The following RCSD1 variants were observed in gnomAD, a reference collection of about 807,000 sequenced individuals.
RCSD1 encodes capZ-interacting protein.
In RCSD1, 26 loss-of-function variants were observed where a neutral mutation model predicts 42.5. That is an observed-to-expected ratio of 0.61 (90% CI 0.45 to 0.85). RCSD1 has a LOEUF of 0.85. RCSD1 is among the 40% of genes least tolerant of loss of function. RCSD1 has a pLI of 0.00. For synonymous variants in RCSD1, 220 were observed against 212.2 expected (o/e 1.04, Z -0.32); for missense variants, 571 against 528.3 (o/e 1.08, Z -0.79).
At chr1:167,688,410 T>C (rs984781288) in intron 3 of RCSD1, among the ~76,000 whole-genome samples, 27 of 152,080 alleles carry the variant, frequency 1.8e-4, no homozygotes, top group Non-Finnish European at 2.8e-4. Flanking sequence ...GGCACTTCCA[T>C]TGGGGCTGGA....
At chr1:167,655,446 T>C (rs2102210007) in intron 1 of RCSD1, among the ~76,000 whole-genome samples, 1 of 152,362 alleles carries the variant, frequency 6.6e-6, no homozygotes, top group East Asian at 1.9e-4. Context: ...AGGTGTTTCC[T>C]ATGGTGTTGC....
Position 167,694,308 on chromosome 1 carries a change from T to A in RCSD1, c.474+6T>A. ...ATCTGCCCTGTTACAACAAGGTAAATTCTAGCTCCAGATTATGGCGGTGTG... is the reference window on the plus strand; with the variant it reads ...ATCTGCCCTGTTACAACAAGGTAAAATCTAGCTCCAGATTATGGCGGTGTG... On this transcript the variant is annotated splice_donor_region_variant and intron_variant, in intron 5 of 6. Transcript: ENST00000367854. The A allele has an allele frequency of 6.2e-7, 1 of 1,613,096 alleles. No homozygotes were observed. Among genetic ancestry groups the A allele is most frequent in the Non-Finnish European group, 8.5e-7 (1 of 1,179,530 alleles).
chr1:167,642,031 C>T (rs1177964734), intron 1 of RCSD1: 2 of 152,226 alleles, frequency 1.3e-5, no homozygotes, highest in Admixed American at 1.3e-4. Context: ...GCAGCTACCC[C>T]TTTGCTTGTT....
Position 167,676,744 on chromosome 1 carries a change from C to T in RCSD1, c.7-7156C>T, listed in dbSNP as rs551079812. Among the ~76,000 whole-genome samples, 132 of 152,288 alleles carry T rather than the reference C, an allele frequency of 8.7e-4. No homozygotes were observed. In the South Asian group the frequency reaches 0.011, roughly 12 times the overall value. ...AGCCATCACTACTAAACCCACAGAC[C>T]CCCACCTGGAGGACCCTCCCAGGCA... is the stretch of plus-strand genomic sequence containing the variant. On this transcript the variant is annotated intron_variant, in intron 1 of 6. Transcript: ENST00000367854.
At chr1:167,654,202 C>G (rs897417205) in intron 1 of RCSD1, among the ~76,000 whole-genome samples, 1 of 152,150 alleles carries the variant, frequency 6.6e-6, no homozygotes, top group African/African-American at 2.4e-5. Flanking sequence ...GCCATGTACA[C>G]AAAGTGGCTC....
intron 1 of RCSD1, among the ~76,000 whole-genome samples, chr1:167,677,293 T>C (rs560075346): frequency 2.6e-5 from 4 of 152,304 alleles, no homozygotes; most frequent in South Asian, 2.1e-4. Context: ...GACCCGACAA[T>C]GTGGATGGGG....
At chr1:167,660,941 G>A (rs1035953602) in intron 1 of RCSD1, among the ~76,000 whole-genome samples, 2 of 152,122 alleles carry the variant, frequency 1.3e-5, no homozygotes, top group Non-Finnish European at 2.9e-5. Context: ...ACCAAAATGA[G>A]GTTTAGCTAA....
chr1:167,649,909 G>A (rs1359218520), intron 1 of RCSD1, among the ~76,000 whole-genome samples: 8 of 152,218 alleles, frequency 5.3e-5, no homozygotes, highest in Non-Finnish European at 2.9e-5. Context: ...CAGCTCACCT[G>A]TGCCTCTGGG....
chr1:167,652,837 T>A (rs1231017081), intron 1 of RCSD1, among the ~76,000 whole-genome samples: 1 of 152,222 alleles, frequency 6.6e-6, no homozygotes, highest in Non-Finnish European at 1.5e-5. Context: ...GATCCATAAT[T>A]TACTTCAACT....
At chr1:167,688,734 A>G (rs2101713171) in intron 3 of RCSD1, among the ~76,000 whole-genome samples, 1 of 152,338 alleles carries the variant, frequency 6.6e-6, no homozygotes, top group African/African-American at 2.4e-5. Flanking sequence ...ATCTCACATT[A>G]TAAATATCTC....
intron 1 of RCSD1, among the ~76,000 whole-genome samples, chr1:167,675,886 A>G (rs1658939504): frequency 6.6e-6 from 1 of 152,090 alleles, no homozygotes; most frequent in African/African-American, 2.4e-5. Flanking sequence ...CTGGGGCTCT[A>G]TCTGGGACTT....
chr1:167,661,016 C>T (rs1325824993), intron 1 of RCSD1, among the ~76,000 whole-genome samples: 2 of 152,206 alleles, frequency 1.3e-5, no homozygotes. Flanking sequence ...CTAAAGAAGT[C>T]CCTGCTTGAT....
At chr1:167,652,408 C>G (rs374014251) in intron 1 of RCSD1, among the ~76,000 whole-genome samples, 1 of 151,990 alleles carries the variant, frequency 6.6e-6, no homozygotes, top group Non-Finnish European at 1.5e-5. Flanking sequence ...GGAACTGGGC[C>G]CTTTAAAGAT....
intron 3 of RCSD1, among the ~76,000 whole-genome samples, chr1:167,689,226 G>T (rs144611893): frequency 1.3e-5 from 2 of 152,106 alleles, no homozygotes; most frequent in East Asian, 3.9e-4. Flanking sequence ...GGTGGCTCAC[G>T]CCTGTAATCC....
chr1:167,661,229 A>C (rs565723258), intron 1 of RCSD1, among the ~76,000 whole-genome samples: 3 of 152,270 alleles, frequency 2.0e-5, no homozygotes, highest in Admixed American at 2.0e-4. Flanking sequence ...TTACAGAGGA[A>C]GAAAATGAAG....
chr1:167,671,940 C>T (rs1441481507), intron 1 of RCSD1, among the ~76,000 whole-genome samples: 1 of 152,178 alleles, frequency 6.6e-6, no homozygotes, highest in East Asian at 1.9e-4. Context: ...GCTCTGCTTA[C>T]CCTTCAGGCT....
intron 1 of RCSD1, among the ~76,000 whole-genome samples, chr1:167,647,138 A>AAAAAAAAGAG (rs1173854956): frequency 2.0e-3 from 306 of 151,202 alleles, no homozygotes; most frequent in African/African-American, 7.1e-3. Context: ...CTCAAAAAAA[A>AAAAAAAAGAG]AGAGAGAGAG....
intron 1 of RCSD1, among the ~76,000 whole-genome samples, chr1:167,644,236 T>C (rs954183181): frequency 2.0e-5 from 3 of 152,118 alleles, no homozygotes; most frequent in African/African-American, 4.8e-5. Context: ...TTTCAGCACT[T>C]TGGGAGGCCG....
intron 1 of RCSD1, among the ~76,000 whole-genome samples, chr1:167,654,792 C>A (rs543696947): frequency 6.6e-6 from 1 of 152,116 alleles, no homozygotes; most frequent in Non-Finnish European, 1.5e-5. Context: ...GAGGTGATGG[C>A]AGCCTGAAGT....
Sources: allele counts gnomAD v4.1 joint callset (sites outside exome capture counted in the v4.1 genomes callset), GRCh38; gene constraint gnomAD v4.1.1; transcripts MANE v1.5; gene names NCBI Gene and HGNC (gene_info 2026-07-23, HGNC 2026-07-21).